OSBPL9: variants seen among roughly 807,000 people sequenced by gnomAD.
OSBPL9 encodes the protein oxysterol binding protein like 9.
OSBPL9 carries 40 observed loss-of-function variants against 106.6 expected under a neutral mutation model. The ratio of observed to expected loss-of-function variants is 0.38; its 90% CI spans 0.29 to 0.49. The LOEUF (loss-of-function observed/expected upper bound fraction) is 0.49. Among genes scored for constraint, OSBPL9 ranks in the 20% least tolerant of loss-of-function variants. The probability of loss-of-function intolerance (pLI) is 0.97; values close to 1 mark genes in which losing one functional copy is unlikely to be tolerated. For missense variants in OSBPL9, 609 were observed against 887.2 expected (o/e 0.69, Z 3.98); for synonymous variants, 269 against 295.4 (o/e 0.91, Z 0.92).
intron 3 of OSBPL9, among the ~76,000 whole-genome samples, chr1:51,697,453 CTTTTTTTT>C (rs759965779): frequency 5.8e-5 from 6 of 103,166 alleles, no homozygotes; most frequent in African/African-American, 2.2e-4. Context: ...ATAGGGGTTA[CTTTTTTTT>C]TTTTTTTTTT....
At chr1:51,757,428 T>C (rs1292167927) in intron 9 of OSBPL9, among the ~76,000 whole-genome samples, 3 of 151,978 alleles carry the variant, frequency 2.0e-5, no homozygotes, top group Non-Finnish European at 4.4e-5. Context: ...CTGTATGTAT[T>C]GTCTAGCATT....
intron 13 of OSBPL9, 141 bp downstream of exon 13, chr1:51,772,323 C>G: frequency 1.4e-6 from 1 of 695,386 alleles, no homozygotes; most frequent in Non-Finnish European, 2.4e-6. Flanking sequence ...ACCAGCCTGA[C>G]CAACATGGTG....
upstream of OSBPL9, among the ~76,000 whole-genome samples, chr1:51,572,906 G>A (rs1372318438): frequency 6.6e-6 from 1 of 151,718 alleles, no homozygotes; most frequent in Non-Finnish European, 1.5e-5. Context: ...TTTTATTTTA[G>A]GAAAGAGAAA....
At chr1:51,785,442 C>T (rs1379794184) in intron 20 of OSBPL9, 2 of 200,828 alleles carry the variant, frequency 1.0e-5, no homozygotes, top group East Asian at 2.8e-4. Flanking sequence ...TCCCTGACCC[C>T]CAGTGCCCAT....
At chr1:51,634,726 G>A (rs1371184601) in intron 1 of OSBPL9, among the ~76,000 whole-genome samples, 3 of 152,166 alleles carry the variant, frequency 2.0e-5, no homozygotes, top group African/African-American at 4.8e-5. Flanking sequence ...CTGTTCTCAC[G>A]CCGCTGACAG....
the OSBPL9 span, among the ~76,000 whole-genome samples, chr1:51,557,210 A>G: frequency 6.6e-6 from 1 of 152,204 alleles, no homozygotes; most frequent in Non-Finnish European, 1.5e-5. Context: ...GGCTTACATT[A>G]CCCAACCAAC....
chr1:51,731,315 G>A (rs1441416763), intron 4 of OSBPL9, among the ~76,000 whole-genome samples: 3 of 152,066 alleles, frequency 2.0e-5, no homozygotes, highest in Non-Finnish European at 2.9e-5. Flanking sequence ...GAGCGTGGTG[G>A]TGATGTGCAC....
chr1:51,714,541 A>G (rs1480963066), intron 4 of OSBPL9, among the ~76,000 whole-genome samples: 1 of 152,256 alleles, frequency 6.6e-6, no homozygotes, highest in East Asian at 1.9e-4. Flanking sequence ...TTCATGAAGA[A>G]GAAAGTAAAT....
chr1:51,524,641 C>T, the OSBPL9 span, among the ~76,000 whole-genome samples: 1 of 152,140 alleles, frequency 6.6e-6, no homozygotes, highest in Non-Finnish European at 1.5e-5. Flanking sequence ...CCAAAGCCCA[C>T]TTAATGGTTT....
At chr1:51,740,159 C>G in intron 4 of OSBPL9, 1 of 1,546,890 alleles carries the variant, frequency 6.5e-7, no homozygotes, top group Non-Finnish European at 8.7e-7. Flanking sequence ...ACCACACTTG[C>G]TTTTTTCCAG....
chr1:51,670,081 A>G (rs764473171), intron 3 of OSBPL9, among the ~76,000 whole-genome samples: 6 of 152,148 alleles, frequency 3.9e-5, no homozygotes, highest in African/African-American at 4.8e-5. Context: ...TGCCACTGCT[A>G]TGTTTCGGCA....
chr1:51,544,836 G>GTTTTT, the OSBPL9 span, among the ~76,000 whole-genome samples: 23 of 126,708 alleles, frequency 1.8e-4, no homozygotes, highest in African/African-American at 3.7e-4. Context: ...TAAGAGACAT[G>GTTTTT]CTTTTTTTTT....
the OSBPL9 span, among the ~76,000 whole-genome samples, chr1:51,530,184 A>AAAAAAG: frequency 0.02 from 2,094 of 103,274 alleles, 146 homozygotes; most frequent in Non-Finnish European, 0.033. Flanking sequence ...AAAAAAAAAA[A>AAAAAAG]AAAAAAAACA....
chr1:51,632,860 A>G (rs1360805416), intron 1 of OSBPL9, among the ~76,000 whole-genome samples: 1 of 152,154 alleles, frequency 6.6e-6, no homozygotes, highest in Non-Finnish European at 1.5e-5. Flanking sequence ...GTTAAAATGA[A>G]AGTCATTTTA....
chr1:51,728,291 C>T (rs1326110011), intron 4 of OSBPL9, among the ~76,000 whole-genome samples: 1 of 152,124 alleles, frequency 6.6e-6, no homozygotes, highest in Non-Finnish European at 1.5e-5. Context: ...TGCTCTGGCT[C>T]TAGTGTTGAG....
chr1:51,701,129 G>A (rs1260323036), intron 3 of OSBPL9, among the ~76,000 whole-genome samples: 2 of 152,002 alleles, frequency 1.3e-5, no homozygotes, highest in Non-Finnish European at 1.5e-5. Flanking sequence ...TAGTAGAGAC[G>A]AGGTTTCACC....
chr1:51,774,700 A>C (rs1674655715), intron 14 of OSBPL9, among the ~76,000 whole-genome samples: 1 of 152,144 alleles, frequency 6.6e-6, no homozygotes, highest in Non-Finnish European at 1.5e-5. Flanking sequence ...CCTCACAGCT[A>C]AGAAGAGGCT....
At chr1:51,714,308 A>G (rs1441343870) in intron 4 of OSBPL9, among the ~76,000 whole-genome samples, 1 of 152,202 alleles carries the variant, frequency 6.6e-6, no homozygotes, top group Non-Finnish European at 1.5e-5. Context: ...ACAGTGCAAG[A>G]CAATGTTGAA....
chr1:51,670,940 T>C (rs1649719788), intron 3 of OSBPL9, among the ~76,000 whole-genome samples: 1 of 152,190 alleles, frequency 6.6e-6, no homozygotes, highest in Admixed American at 6.5e-5. Context: ...TCTCTGCAGT[T>C]ACTAAGAAGG....
Sources: allele counts gnomAD v4.1 joint callset (sites outside exome capture counted in the v4.1 genomes callset), GRCh38; gene constraint gnomAD v4.1.1; transcripts MANE v1.5; gene names NCBI Gene and HGNC (gene_info 2026-07-23, HGNC 2026-07-21).